Variants in ATP6V0A2 observed in about 807,000 individuals in gnomAD.
ATP6V0A2 encodes V-type proton ATPase 116 kDa subunit a 2.
ATP6V0A2 carries 58 observed loss-of-function variants against 104.4 expected under a neutral mutation model. That is an observed-to-expected ratio of 0.56 (90% CI 0.45 to 0.69). The LOEUF is 0.69. Ranked by LOEUF, ATP6V0A2 falls within the 30% of genes least tolerant of loss-of-function variation. The pLI is 0.00. For missense variants in ATP6V0A2, 938 were observed against 1,062.9 expected (o/e 0.88, Z 1.63); for synonymous variants, 376 against 397.9 (o/e 0.95, Z 0.65).
intron 13 of ATP6V0A2, 77 bp from the exon 14 acceptor site, chr12:123,747,530 A>T: frequency 2.1e-6 from 2 of 957,366 alleles, no homozygotes; most frequent in African/African-American, 1.6e-5. Context: ...CTTTCAAGTT[A>T]AGACAGGAAC....
chr12:123,754,594 G>C, intron 18 of ATP6V0A2, 57 bp downstream of exon 18: 2 of 1,197,646 alleles, frequency 1.7e-6, no homozygotes, highest in Non-Finnish European at 2.5e-6. Flanking sequence ...GCAGACTCAG[G>C]GGGCACTGTG....
At position 123,754,461 on chromosome 12, in the gene ATP6V0A2, C is replaced by A. The variant is rs1296353609; in HGVS notation, c.2217C>A (p.Ser739=). Residue 739 remains serine (S), a synonymous_variant, in exon 18 of 20, where the codon TCC becomes TCA. Transcript: ENST00000330342. Reference sequence around the variant, plus strand: ...TATTAATGACCCAAGTAATCCATTCCATCGAGTACTGTCTGGGATGCATCT... The same window carrying A: ...TATTAATGACCCAAGTAATCCATTCAATCGAGTACTGTCTGGGATGCATCT... ...GEILMTQVIH[S]IEYCLGCISN... 1 of 1,613,764 alleles carries A rather than the reference C, an allele frequency of 6.2e-7. No individual in the cohort carries two copies. The highest frequency in any genetic ancestry group is 8.5e-7 in the Non-Finnish European group (1 of 1,179,796).
intron 2 of ATP6V0A2, among the ~76,000 whole-genome samples, chr12:123,719,397 T>C (rs1956375438): frequency 1.3e-5 from 2 of 151,998 alleles, no homozygotes; most frequent in South Asian, 4.2e-4. Context: ...TTGTTTTTTT[T>C]TTTTTTTGAG....
chr12:123,740,741 C>G (rs1254707956), intron 9 of ATP6V0A2, among the ~76,000 whole-genome samples: 1 of 152,122 alleles, frequency 6.6e-6, no homozygotes, highest in Non-Finnish European at 1.5e-5. Flanking sequence ...TCTTTCGTTA[C>G]TTCTTTTTGA....
chr12:123,727,605 T>C (rs563579053), intron 5 of ATP6V0A2, among the ~76,000 whole-genome samples, 178 bp from the exon 6 acceptor site: 1 of 152,312 alleles, frequency 6.6e-6, no homozygotes, highest in African/African-American at 2.4e-5. Flanking sequence ...CAAGCTCATC[T>C]CTACCTTTAA....
intron 15 of ATP6V0A2, chr12:123,750,803 C>T (rs1956706997): frequency 5.1e-6 from 2 of 392,830 alleles, no homozygotes; most frequent in Non-Finnish European, 9.7e-6. Flanking sequence ...TATACTTTCT[C>T]ATTTACAGTG....
At chr12:123,754,090 C>T (rs1380461341) in intron 17 of ATP6V0A2, 2 of 448,256 alleles carry the variant, frequency 4.5e-6, no homozygotes, top group South Asian at 4.1e-5. Flanking sequence ...CTGAGACCTG[C>T]CCCAGAATCC....
rs113239274 is a variant in ATP6V0A2, at chr12:123,718,936, G to A, written c.196+235G>A. ...GCCTGGTTATTTTGTTGTTACCCTT[G>A]TTTTTTACTTAACAGTGCTTACTAT... On this transcript the variant is annotated intron_variant, in intron 2 of 19. Coordinates refer to ENST00000330342, the MANE Select transcript of ATP6V0A2 (RefSeq NM_012463.4). Among the ~76,000 whole-genome samples, 6,692 of 152,084 alleles carry A rather than the reference G, an allele frequency of 0.044. 426 individuals carry two copies. The highest frequency in any genetic ancestry group is 0.14 in the African/African-American group (5,925 of 41,460).
rs751169771 is a variant in ATP6V0A2, at chr12:123,758,044, T to C, written c.*12T>C. ...ACAGTGTGGCATGATCATATTGCTG[T>C]AACCAACAAGCTTTCAGATTTATGG... is the stretch of plus-strand genomic sequence containing the variant. On this transcript the variant is annotated 3_prime_UTR_variant, in exon 20 of 20. Transcript: ENST00000330342. 1.1e-5 allele frequency: 17 copies of C among 1,540,258 alleles called. No homozygotes were observed. Among genetic ancestry groups the C allele is most frequent in the Middle Eastern group, 1.7e-4 (1 of 5,956 alleles).
At position 123,744,944 on chromosome 12, in the gene ATP6V0A2, G is replaced by C. The variant is rs757432786; in HGVS notation, c.1577G>C (p.Arg526Pro). 5 of 1,614,180 alleles carry C rather than the reference G, an allele frequency of 3.1e-6. No homozygotes were observed. In the South Asian group the frequency reaches 3.3e-5, roughly 11 times the overall value. Residue 526 changes from arginine to proline, a missense_variant, in exon 13 of 20, where the codon CGA becomes CCA. Transcript: ENST00000330342. The surrounding 1 kb of genome is among the most constrained non-coding windows in gnomAD (Gnocchi z 5.4). ...QLDPSIPGVF[R>P]GPYPLGIDPI... The stretch of plus-strand genomic sequence containing the variant: ...GATCCAAGCATTCCTGGAGTGTTCC[G>C]AGGCCCTTATCCCCTTGGCATTGAT...
At chr12:123,727,950 A>G in intron 6 of ATP6V0A2, 41 bp downstream of exon 6, 2 of 1,613,808 alleles carry the variant, frequency 1.2e-6, no homozygotes, top group Non-Finnish European at 8.5e-7. Flanking sequence ...ATGACGGACT[A>G]ACAGCAGAGT....
rs1956300669 is a variant in ATP6V0A2 at position 123,712,394 on chromosome 12, C to A, written c.-172C>A. Reference sequence around the variant, plus strand: ...CTGTGGCGGCAGCTGGAGCGGCGGCCGCGGTGGCAGAACCGGGGGCGGCCG... The same window carrying A: ...CTGTGGCGGCAGCTGGAGCGGCGGCAGCGGTGGCAGAACCGGGGGCGGCCG... On this transcript the variant is annotated 5_prime_UTR_variant, in exon 1 of 20. Coordinates refer to ENST00000330342, the MANE Select transcript of ATP6V0A2 (RefSeq NM_012463.4). 8.1e-6 allele frequency: 3 copies of A among 371,176 alleles called. No homozygotes were observed. Among genetic ancestry groups the A allele is most frequent in the African/African-American group, 2.1e-5 (1 of 46,848 alleles). The allele number at this position is 371,176 out of a possible 1,614,324, so 23.0% of individuals were successfully genotyped here.
Position 123,761,587 on chromosome 12 carries a change from TTC to T in ATP6V0A2, c.*3557_*3558del, listed in dbSNP as rs1956825892. ...GGAATATCTAAGAAGGCTAGGTAGG[TTC>T]TTAGGGTTAGCCTGAGTCATCTAGG... On this transcript the variant is annotated 3_prime_UTR_variant, in exon 20 of 20. Transcript: ENST00000330342. The T allele has an allele frequency of 2.6e-5, 4 of 152,316 alleles. No homozygotes were observed. Among genetic ancestry groups the T allele is most frequent in the Admixed American group, 2.0e-4 (3 of 15,298 alleles). 9.4% of individuals were successfully genotyped at this position (152,316 alleles called of 1,614,324 possible).
rs1352578310 is a variant in ATP6V0A2, at chr12:123,744,652, C to T, written c.1382C>T (p.Ser461Leu). ...RYILLLMGLF[S>L]VYTGLIYNDC... ...ATCCTCCTGCTGATGGGGCTGTTCT[C>T]AGTGTACACTGGCCTCATCTACAAC... The change falls in exon 12 of 20, where the codon TCA becomes TTA. Residue 461 changes from serine to leucine, a missense_variant. Coordinates refer to ENST00000330342, the MANE Select transcript of ATP6V0A2 (RefSeq NM_012463.4). This position sits in a 1 kb window ranked among gnomAD's most constrained non-coding sequence, Gnocchi z 5.4. 1.2e-6 allele frequency: 2 copies of T among 1,613,808 alleles called. No individual in the cohort carries two copies. Among genetic ancestry groups the T allele is most frequent in the Non-Finnish European group, 1.7e-6 (2 of 1,180,036 alleles).
chr12:123,752,932 C>G (rs1956729964), intron 17 of ATP6V0A2, among the ~76,000 whole-genome samples: 2 of 152,110 alleles, frequency 1.3e-5, no homozygotes, highest in African/African-American at 4.8e-5. Context: ...CACAAGTTGC[C>G]CTGGGCTTAT....
At chr12:123,718,414 G>A (rs1956365265) in intron 1 of ATP6V0A2, among the ~76,000 whole-genome samples, 1 of 152,012 alleles carries the variant, frequency 6.6e-6, no homozygotes, top group Admixed American at 6.6e-5. Context: ...TAGCAGGGTT[G>A]GGGTTTCACC....
At position 123,727,814 on chromosome 12, in the gene ATP6V0A2, G is replaced by C. The variant is rs1956462611; in HGVS notation, c.553G>C (p.Val185Leu). The change falls in exon 6 of 20, where the codon GTG (valine) becomes CTG (leucine). Residue 185 changes from valine to leucine, a missense_variant. Coordinates refer to ENST00000330342, the MANE Select transcript of ATP6V0A2 (RefSeq NM_012463.4). ...GTCTGGCCTAATTAACCAAGGAAAA[G>C]TGGAAGCATTTGAAAAAATGTTGTG... Reference protein sequence around the residue: ...FVSGLINQGKVEAFEKMLWRV... With the variant: ...FVSGLINQGKLEAFEKMLWRV... 1 of 1,614,076 alleles carries C rather than the reference G, an allele frequency of 6.2e-7. No homozygotes were observed. The highest frequency in any genetic ancestry group is 8.5e-7 in the Non-Finnish European group (1 of 1,180,044).
chr12:123,752,236 ACCT>A, intron 16 of ATP6V0A2, 44 bp from the exon 17 acceptor site: 1 of 1,613,208 alleles, frequency 6.2e-7, no homozygotes. Flanking sequence ...TTTTGTCACA[ACCT>A]TGTGGTTTTA....
At chr12:123,757,776 G>A in intron 19 of ATP6V0A2, 151 bp from the exon 20 acceptor site, 2 of 618,102 alleles carry the variant, frequency 3.2e-6, no homozygotes, top group Non-Finnish European at 2.8e-6. Flanking sequence ...GTGCGGGGCA[G>A]TGTTTAGCTA....
Sources: gnomAD v4.1 joint callset for allele counts (sites outside exome capture counted in the v4.1 genomes callset) on GRCh38, gnomAD v4.1.1 for gene constraint, Gnocchi (gnomAD v3.1) non-coding constraint, MANE v1.5 for transcripts, NCBI Gene and HGNC (gene_info 2026-07-23, HGNC 2026-07-21) for gene names.